DEPDC5: variants seen among roughly 807,000 people sequenced by gnomAD.
DEPDC5 encodes DEP domain containing 5, GATOR1 subcomplex subunit.
A neutral mutation model predicts 217.3 loss-of-function variants in DEPDC5; 73 were observed. That is an observed-to-expected ratio of 0.34 (90% confidence interval 0.28 to 0.41). The LOEUF (loss-of-function observed/expected upper bound fraction) is 0.41. DEPDC5 is among the 10% of genes least tolerant of loss of function. DEPDC5 has a pLI of 1.00. For synonymous variants in DEPDC5, 733 were observed against 756.7 expected, an observed-to-expected ratio of 0.97 and a Z score of 0.51; for missense variants, 1,675 against 2,070.1, an observed-to-expected ratio of 0.81 and a Z score of 3.70.
At chr22:31,797,869 C>T (rs554157431) in intron 13 of DEPDC5, among the ~76,000 whole-genome samples, 166 bp downstream of exon 13, 6 of 150,624 alleles carry the variant, frequency 4.0e-5, no homozygotes, top group South Asian at 4.2e-4. Context: ...TTTCGTATGC[C>T]GTAAGTTCAA....
intron 34 of DEPDC5, 24 bp downstream of exon 34, chr22:31,870,768 C>T (rs537674316): frequency 9.9e-6 from 15 of 1,522,362 alleles, no homozygotes; most frequent in Admixed American, 2.1e-5. Context: ...TGGCCAAACT[C>T]ATGTTCCTGG....
chr22:31,804,050 C>CA, intron 15 of DEPDC5, 112 bp from the exon 16 acceptor site: 1 of 954,082 alleles, frequency 1.0e-6, no homozygotes, highest in Non-Finnish European at 1.6e-6. Context: ...ATAAATCATA[C>CA]AATGGTAAGT....
At position 31,838,860 on chromosome 22, in the gene DEPDC5, T is replaced by G. The variant is rs2090841237; in HGVS notation, c.2515+15T>G. The G allele has an allele frequency of 1.9e-6, 3 of 1,606,088 alleles. No individual in the cohort carries two copies. Among genetic ancestry groups the G allele is most frequent in the Non-Finnish European group, 2.6e-6 (3 of 1,174,530 alleles). On this transcript the variant is annotated intron_variant, in intron 27 of 42. Coordinates refer to ENST00000651528, the MANE Select transcript of DEPDC5 (RefSeq NM_001242896.3). Reference sequence around the variant, plus strand: ...CTATAGCCGAGGTGAGTTTTTCTCCTTGGATTTCTATTTTTTTCTCTTCTA... The same window carrying G: ...CTATAGCCGAGGTGAGTTTTTCTCCGTGGATTTCTATTTTTTTCTCTTCTA...
intron 33 of DEPDC5, among the ~76,000 whole-genome samples, chr22:31,864,002 A>G (rs759150345): frequency 6.6e-6 from 1 of 152,002 alleles, no homozygotes; most frequent in Non-Finnish European, 1.5e-5. Context: ...CCTTATGTTT[A>G]TTTATTATTT....
chr22:31,875,962 T>G, intron 36 of DEPDC5, 195 bp from the exon 37 acceptor site: 1 of 524,836 alleles, frequency 1.9e-6, no homozygotes. Flanking sequence ...CTTCTGCATG[T>G]TTGAAATATT....
chr22:31,861,278 T>TCCTTC (rs1427006148), intron 32 of DEPDC5, 90 bp from the exon 33 acceptor site: 1 of 1,184,168 alleles, frequency 8.4e-7, no homozygotes, highest in African/African-American at 1.5e-5. Context: ...TATACCTGTC[T>TCCTTC]CCTTCCCCTG....
chr22:31,859,639 C>T (rs1300497700), intron 32 of DEPDC5, among the ~76,000 whole-genome samples: 1 of 148,764 alleles, frequency 6.7e-6, no homozygotes, highest in Non-Finnish European at 1.5e-5. Flanking sequence ...GTGATCCACC[C>T]ACCTCAGCCT....
At chr22:31,762,364 A>G (rs548674870) in intron 4 of DEPDC5, among the ~76,000 whole-genome samples, 10 of 152,306 alleles carry the variant, frequency 6.6e-5, no homozygotes, top group African/African-American at 1.2e-4. Flanking sequence ...TTTCCCTCTA[A>G]TGGCTATGCC....
chr22:31,813,428 A>T (rs1454788529), intron 20 of DEPDC5, among the ~76,000 whole-genome samples: 2 of 152,102 alleles, frequency 1.3e-5, no homozygotes, highest in African/African-American at 4.8e-5. Context: ...CTGGTGTTTA[A>T]ATATTTACTG....
chr22:31,775,628 A>G (rs1345457751), intron 7 of DEPDC5, among the ~76,000 whole-genome samples: 2 of 152,174 alleles, frequency 1.3e-5, no homozygotes, highest in African/African-American at 2.4e-5. Context: ...TCTCTCCAGG[A>G]TAGCATTTTG....
At chr22:31,856,633 C>T (rs1018056804) in intron 31 of DEPDC5, among the ~76,000 whole-genome samples, 16 of 152,146 alleles carry the variant, frequency 1.1e-4, no homozygotes, top group South Asian at 1.0e-3. Flanking sequence ...ATTTGTCTTG[C>T]GTTATGAGAT....
intron 31 of DEPDC5, chr22:31,852,836 A>G (rs1200345059): frequency 6.6e-6 from 1 of 152,242 alleles, no homozygotes; most frequent in Non-Finnish European, 1.5e-5. Context: ...TTTTTCGGAG[A>G]TGAGCTCCCT....
intron 10 of DEPDC5, among the ~76,000 whole-genome samples, chr22:31,787,018 G>A (rs1372627557): frequency 6.6e-6 from 1 of 151,966 alleles, no homozygotes; most frequent in Admixed American, 6.6e-5. Flanking sequence ...AACCTCAGGT[G>A]ATCCGCCTGC....
chr22:31,783,368 C>T lies in DEPDC5; in HGVS notation c.484-539C>T, dbSNP rs547526051. 9.9e-5 allele frequency among the ~76,000 whole-genome samples: 15 copies of T among 152,252 alleles called. No homozygotes were observed. In the East Asian group the frequency reaches 1.5e-3, roughly 16 times the overall value. On this transcript the variant is annotated intron_variant, in intron 8 of 42. Transcript: ENST00000651528. The stretch of plus-strand genomic sequence containing the variant: ...TGTTAACACTCACCATGAAGGTCCG[C>T]AGCTTCATTCTTGAAGTCAGTGAGA...
intron 22 of DEPDC5, among the ~76,000 whole-genome samples, chr22:31,819,544 C>G (rs1310848644): frequency 6.6e-6 from 1 of 151,300 alleles, no homozygotes; most frequent in African/African-American, 2.4e-5. Flanking sequence ...TCTCAGCTCA[C>G]TGCAGCCTCA....
chr22:31,826,117 CT>C (rs1458227740), intron 24 of DEPDC5, among the ~76,000 whole-genome samples: 1 of 152,092 alleles, frequency 6.6e-6, no homozygotes, highest in Non-Finnish European at 1.5e-5. Context: ...AGCAATTCCC[CT>C]GCCTCAGCCT....
chr22:31,857,928 C>T (rs1390338886), intron 32 of DEPDC5: 1 of 160,462 alleles, frequency 6.2e-6, no homozygotes, highest in Non-Finnish European at 1.4e-5. Flanking sequence ...GTGGTGTGTA[C>T]CTGTAGTCTC....
intron 8 of DEPDC5, among the ~76,000 whole-genome samples, chr22:31,781,440 TA>T (rs2084430569): frequency 1.3e-5 from 2 of 151,908 alleles, no homozygotes; most frequent in African/African-American, 4.8e-5. Flanking sequence ...TATTTATTAT[TA>T]TTTTTTATTG....
intron 35 of DEPDC5, 124 bp from the exon 36 acceptor site, chr22:31,874,149 A>G (rs2092928333): frequency 7.2e-7 from 1 of 1,391,722 alleles, no homozygotes; most frequent in Non-Finnish European, 9.8e-7. Context: ...TAGGAATAGC[A>G]TAGGGACATT....
Sources: allele counts gnomAD v4.1 joint callset (sites outside exome capture counted in the v4.1 genomes callset), GRCh38; gene constraint gnomAD v4.1.1; transcripts MANE v1.5; gene names NCBI Gene and HGNC (gene_info 2026-07-23, HGNC 2026-07-21).